The following IGBP1C variants were observed in gnomAD, a reference collection of about 807,000 sequenced individuals.
IGBP1C encodes immunoglobulin-binding protein 1 family member C.
chr17:58,689,566 G>C, the IGBP1C span, among the ~76,000 whole-genome samples: 1 of 152,016 alleles, frequency 6.6e-6, no homozygotes, highest in Non-Finnish European at 1.5e-5. Context: ...AAATTTTAAT[G>C]ATTTATCCAC....
At chr17:58,667,033 G>T in the IGBP1C span, among the ~76,000 whole-genome samples, 2 of 152,156 alleles carry the variant, frequency 1.3e-5, no homozygotes, top group Non-Finnish European at 2.9e-5. Context: ...CGTCTGTCAG[G>T]CCATTTTCCT....
chr17:58,666,014 A>G, the IGBP1C span, among the ~76,000 whole-genome samples: 5 of 149,790 alleles, frequency 3.3e-5, no homozygotes, highest in African/African-American at 1.2e-4. Flanking sequence ...GTGCCACTCA[A>G]CTCCAGCCTG....
chr17:58,691,781 C>G, the IGBP1C span, among the ~76,000 whole-genome samples: 1 of 151,908 alleles, frequency 6.6e-6, no homozygotes, highest in Admixed American at 6.6e-5. Context: ...AACTGCTTGC[C>G]TTCCTCCCCG....
At chr17:58,683,765 A>G in the IGBP1C span, among the ~76,000 whole-genome samples, 1 of 149,474 alleles carries the variant, frequency 6.7e-6, no homozygotes, top group Non-Finnish European at 1.5e-5. Context: ...TCCAGCTCAA[A>G]AAAAAAAAAA....
At chr17:58,669,379 G>C in the IGBP1C span, among the ~76,000 whole-genome samples, 3 of 151,454 alleles carry the variant, frequency 2.0e-5, no homozygotes, top group African/African-American at 7.3e-5. Context: ...AAAACAGGAG[G>C]GGGTGTGGAG....
the IGBP1C span, among the ~76,000 whole-genome samples, chr17:58,671,703 T>C: frequency 3.3e-5 from 5 of 152,314 alleles, no homozygotes; most frequent in Admixed American, 2.6e-4. Flanking sequence ...TCTCTGTGGA[T>C]TTCTCTTTTT....
chr17:58,674,929 T>G, the IGBP1C span, among the ~76,000 whole-genome samples: 1 of 150,972 alleles, frequency 6.6e-6, no homozygotes, highest in African/African-American at 2.4e-5. Flanking sequence ...GTGCATCACT[T>G]GAAGCCAGGA....
chr17:58,674,682 G>A, the IGBP1C span, among the ~76,000 whole-genome samples: 5 of 151,706 alleles, frequency 3.3e-5, no homozygotes, highest in African/African-American at 9.7e-5. Flanking sequence ...AAAACGAATA[G>A]AAACACTAAG....
chr17:58,669,130 T>A, the IGBP1C span, among the ~76,000 whole-genome samples: 2 of 152,004 alleles, frequency 1.3e-5, no homozygotes, highest in Admixed American at 1.3e-4. Context: ...GGTGGGCAGA[T>A]CACCTGAGGT....
the IGBP1C span, among the ~76,000 whole-genome samples, chr17:58,667,100 T>C: frequency 6.6e-6 from 1 of 152,222 alleles, no homozygotes. Flanking sequence ...CGGATCTCCC[T>C]GTATGGAGAG....
chr17:58,666,520 A>G, the IGBP1C span: 3 of 143,336 alleles, frequency 2.1e-5, no homozygotes, highest in Non-Finnish European at 4.6e-5. Context: ...CAAAACTTGC[A>G]TTTCAACTAC....
chr17:58,685,592 G>A, the IGBP1C span, among the ~76,000 whole-genome samples: 2 of 151,978 alleles, frequency 1.3e-5, no homozygotes, highest in East Asian at 1.9e-4. Context: ...CAGGAGTATA[G>A]GAAGCAAATG....
At chr17:58,663,817 A>G in the IGBP1C span, among the ~76,000 whole-genome samples, 1 of 152,018 alleles carries the variant, frequency 6.6e-6, no homozygotes, top group East Asian at 1.9e-4. Flanking sequence ...AAATCCATTC[A>G]CTCCTGAAAC....
At chr17:58,690,742 T>G in the IGBP1C span, among the ~76,000 whole-genome samples, 26,093 of 152,134 alleles carry the variant, frequency 0.17, 2,369 homozygotes, top group Non-Finnish European at 0.19. Context: ...AGACTTTCTT[T>G]GACCTACCAA....
the IGBP1C span, chr17:58,661,707 G>A: frequency 1.7e-6 from 1 of 582,846 alleles, no homozygotes; most frequent in Non-Finnish European, 3.0e-6. Context: ...GCACGGCAGG[G>A]CAGTCAGGGA....
At chr17:58,676,869 G>A in the IGBP1C span, among the ~76,000 whole-genome samples, 10 of 152,094 alleles carry the variant, frequency 6.6e-5, no homozygotes, top group Non-Finnish European at 1.3e-4. Context: ...GGTGGCTCAC[G>A]CCTGTAATCC....
chr17:58,661,032 G>A, the IGBP1C span: 1 of 1,134,956 alleles, frequency 8.8e-7, no homozygotes, highest in Non-Finnish European at 1.3e-6. Flanking sequence ...TCACGAACAC[G>A]CTCATTATCT....
At chr17:58,671,245 A>T in the IGBP1C span, among the ~76,000 whole-genome samples, 9 of 152,312 alleles carry the variant, frequency 5.9e-5, no homozygotes, top group African/African-American at 2.2e-4. Flanking sequence ...AATAGACTAG[A>T]GAGGGTTTCT....
chr17:58,679,308 G>T, the IGBP1C span, among the ~76,000 whole-genome samples: 1 of 152,128 alleles, frequency 6.6e-6, no homozygotes, highest in Admixed American at 6.6e-5. Flanking sequence ...GCCGCCAAAG[G>T]TATTCAACTG....
Sources: gnomAD v4.1 joint callset for allele counts (sites outside exome capture counted in the v4.1 genomes callset) on GRCh38, gnomAD v4.1.1 for gene constraint, MANE v1.5 for transcripts, NCBI Gene and HGNC (gene_info 2026-07-23, HGNC 2026-07-21) for gene names.